Variants in C11orf65 observed in about 807,000 individuals in gnomAD.
C11orf65 encodes chromosome 11 open reading frame 65.
C11orf65 carries 38 observed loss-of-function variants against 35.3 expected under a neutral mutation model. The observed-to-expected ratio is 1.08, with a 90% CI of 0.83 to 1.41. C11orf65 has a LOEUF of 1.41. Among genes scored for constraint, C11orf65 ranks in the 40% most tolerant of loss-of-function variants. The pLI, the probability that C11orf65 is intolerant of heterozygous loss-of-function variation, is 0.00. For synonymous variants in C11orf65, 105 were observed against 114.4 expected, an observed-to-expected ratio of 0.92 and a Z score of 0.53; for missense variants, 370 against 367.1, an observed-to-expected ratio of 1.01 and a Z score of -0.06.
chr11:108,344,786 TTGAGCCCAGGAGTTTAAG>T (rs2088090100), intron 2 of C11orf65, among the ~76,000 whole-genome samples: 1 of 152,084 alleles, frequency 6.6e-6, no homozygotes, highest in Admixed American at 6.5e-5. Flanking sequence ...GGAGGATTGC[TTGAGCCCAGGAGTTTAAG>T]ACCAGCCTGG....
rs1293636520 is a variant in C11orf65 at position 108,382,968 on chromosome 11, A to G, written c.*53T>C. On this transcript the variant is annotated 3_prime_UTR_variant, in exon 9 of 9. Transcript: ENST00000393084. ...CAGAATACACTATCTCTTGGCTATA[A>G]CTGATGGATGGAAGGCTCAAAGGGC... 1 of 1,602,154 alleles carries G rather than the reference A, an allele frequency of 6.2e-7. No individual in the cohort carries two copies. Among genetic ancestry groups the G allele is most frequent in the East Asian group, 2.2e-5 (1 of 44,594 alleles).
At chr11:108,327,537 C>T, downstream of C11orf65, 1 of 855,052 alleles carries the variant, frequency 1.2e-6, no homozygotes, top group Non-Finnish European at 1.9e-6. Flanking sequence ...TTTTTCCCAC[C>T]CACCAAGGAA....
chr11:108,414,306 C>T (rs760347398), intron 3 of C11orf65, among the ~76,000 whole-genome samples: 3 of 151,756 alleles, frequency 2.0e-5, no homozygotes, highest in Non-Finnish European at 2.9e-5. Flanking sequence ...CACACACATC[C>T]CCTTTTTTTG....
chr11:108,319,930 T>A (rs1316775599), intron 6 of C11orf65: 22 of 1,536,304 alleles, frequency 1.4e-5, no homozygotes, highest in Non-Finnish European at 2.0e-5. Flanking sequence ...TTAAGTATAT[T>A]TTTTTCTTTG....
chr11:108,314,568 A>T (rs1280625968), intron 6 of C11orf65, among the ~76,000 whole-genome samples: 2 of 152,008 alleles, frequency 1.3e-5, no homozygotes, highest in Non-Finnish European at 2.9e-5. Context: ...GTTGTCTAGG[A>T]CCAGTCTACT....
intron 3 of C11orf65, among the ~76,000 whole-genome samples, chr11:108,334,602 A>T (rs227061): frequency 6.6e-6 from 1 of 151,952 alleles, no homozygotes; most frequent in South Asian, 2.1e-4. Flanking sequence ...TAGCTGTATC[A>T]TGTGGATTAA....
downstream of C11orf65, chr11:108,327,604 G>T: frequency 2.7e-6 from 4 of 1,486,690 alleles, no homozygotes; most frequent in South Asian, 1.1e-5. Context: ...GTACAGTCAT[G>T]GTAATGCATT....
intron 8 of C11orf65, 33 bp from the exon 9 acceptor site, chr11:108,383,208 C>A: frequency 6.7e-7 from 1 of 1,495,346 alleles, no homozygotes; most frequent in Non-Finnish European, 9.1e-7. Flanking sequence ...TAGAAAGATA[C>A]CAGATATAAT....
At chr11:108,426,878 A>T (rs931521988) in intron 3 of C11orf65, among the ~76,000 whole-genome samples, 1 of 152,164 alleles carries the variant, frequency 6.6e-6, no homozygotes, top group Non-Finnish European at 1.5e-5. Flanking sequence ...TGACAAAAAC[A>T]AACACATCTT....
chr11:108,352,669 A>G (rs1185267167), intron 2 of C11orf65, among the ~76,000 whole-genome samples: 1 of 152,260 alleles, frequency 6.6e-6, no homozygotes, highest in Non-Finnish European at 1.5e-5. Context: ...GATGTTCTAC[A>G]GTGGGCAAAT....
chr11:108,461,596 A>G (rs752889156), intron 1 of C11orf65, 28 bp from the exon 2 acceptor site: 1 of 1,257,176 alleles, frequency 8.0e-7, no homozygotes, highest in African/African-American at 1.5e-5. Flanking sequence ...AAAAGGGTAC[A>G]TTTAAAATAA....
chr11:108,318,463 A>G (rs932251030), intron 6 of C11orf65, among the ~76,000 whole-genome samples: 2 of 151,968 alleles, frequency 1.3e-5, no homozygotes, highest in East Asian at 3.9e-4. Flanking sequence ...GCTGAGGCAG[A>G]TGGATCACTT....
At position 108,365,343 on chromosome 11, in the gene C11orf65, C is replaced by A. The variant is rs540172506; in HGVS notation, c.226+27865G>T. ...TCCTTAGTGATATTGACCAGAGTTTCAACAAAGTAGCTGAACGTGTCTTAA... is the reference window on the plus strand; with the variant it reads ...TCCTTAGTGATATTGACCAGAGTTTAAACAAAGTAGCTGAACGTGTCTTAA... On this transcript the variant is annotated intron_variant, in intron 2 of 3. Transcript: ENST00000524755. The A allele has an allele frequency of 1.2e-6, 2 of 1,614,044 alleles. No individual in the cohort carries two copies. The highest frequency in any genetic ancestry group is 1.7e-6 in the Non-Finnish European group (2 of 1,180,030).
chr11:108,391,605 G>A (rs1373143509), intron 7 of C11orf65, among the ~76,000 whole-genome samples: 4 of 151,960 alleles, frequency 2.6e-5, no homozygotes, highest in Admixed American at 6.6e-5. Flanking sequence ...TCTTGAACTC[G>A]GGACCTCAAA....
At position 108,358,431 on chromosome 11, in the gene C11orf65, G is replaced by C. The variant is rs573799671; in HGVS notation, c.227-23139C>G. Among the ~76,000 whole-genome samples, 460 of 150,516 alleles carry C rather than the reference G, an allele frequency of 3.1e-3. 4 individuals carry two copies. Among genetic ancestry groups the C allele is most frequent in the African/African-American group, 1.0e-2 (407 of 40,774 alleles). On this transcript the variant is annotated intron_variant, in intron 2 of 3. Transcript: ENST00000524755. The stretch of plus-strand genomic sequence containing the variant: ...CAAGGCAGGCCAACGTTCAGATTCA[G>C]GAAATACAGAGAATGCCACAAAGAT...
intron 1 of C11orf65, among the ~76,000 whole-genome samples, chr11:108,465,222 G>A (rs891185309): frequency 1.3e-5 from 2 of 152,092 alleles, no homozygotes; most frequent in Non-Finnish European, 2.9e-5. Flanking sequence ...TGAATACTTT[G>A]ATCTAAATAA....
rs769959260 is a variant in C11orf65, at chr11:108,353,868, G to T, written c.227-18576C>A. The T allele has an allele frequency of 6.2e-7, 1 of 1,612,804 alleles. No homozygotes were observed. Among genetic ancestry groups the T allele is most frequent in the Middle Eastern group, 1.7e-4 (1 of 6,058 alleles). On this transcript the variant is annotated intron_variant, in intron 2 of 3. Coordinates refer to the C11orf65 transcript ENST00000524755. ...GGCATGGGCATTACGGGTGTTGAAG[G>T]TGTCTTCAGAAGGTAAGTGATATGA...
rs141395775 is a variant in C11orf65 at position 108,421,855 on chromosome 11, T to A, written c.174+9891A>T. 1.8e-3 allele frequency among the ~76,000 whole-genome samples: 275 copies of A among 152,322 alleles called. 2 individuals carry two copies. The highest frequency in any genetic ancestry group is 6.4e-3 in the African/African-American group (264 of 41,572). On this transcript the variant is annotated intron_variant, in intron 3 of 8. Transcript: ENST00000393084. The stretch of plus-strand genomic sequence containing the variant: ...TGCTTTCTTCAAGTTTAGTAGCCTT[T>A]TTCTCCATTAAAAGCATTCCCCTGG...
intron 2 of C11orf65, among the ~76,000 whole-genome samples, chr11:108,359,860 G>A (rs1350833930): frequency 2.0e-5 from 3 of 152,092 alleles, no homozygotes; most frequent in Non-Finnish European, 2.9e-5. Context: ...ATCCAAAACT[G>A]ACACCCTAAC....
Sources: allele counts gnomAD v4.1 joint callset (sites outside exome capture counted in the v4.1 genomes callset), GRCh38; gene constraint gnomAD v4.1.1; transcripts MANE v1.5; gene names NCBI Gene and HGNC (gene_info 2026-07-23, HGNC 2026-07-21).